The following PLCB1 variants were observed in gnomAD, a reference collection of about 807,000 sequenced individuals.
PLCB1 encodes the protein 1-phosphatidylinositol 4,5-bisphosphate phosphodiesterase beta-1.
A neutral mutation model predicts 161.8 loss-of-function variants in PLCB1; 46 were observed. The ratio of observed to expected loss-of-function variants is 0.28; its 90% CI spans 0.22 to 0.36. PLCB1 has a LOEUF of 0.36. Among genes scored for constraint, PLCB1 ranks in the 10% least tolerant of loss-of-function variants. The pLI is 1.00. For missense variants in PLCB1, 1,016 were observed against 1,472.5 expected, an observed-to-expected ratio of 0.69 and a Z score of 5.07; for synonymous variants, 517 against 503.7, an observed-to-expected ratio of 1.03 and a Z score of -0.35.
At chr20:8,778,358 C>A (rs6056101) in intron 27 of PLCB1, among the ~76,000 whole-genome samples, 5 of 152,060 alleles carry the variant, frequency 3.3e-5, no homozygotes, top group Admixed American at 1.3e-4. Flanking sequence ...AACAATGCCT[C>A]AGCATGAGGC....
chr20:8,532,966 A>C (rs1179656852), intron 3 of PLCB1, among the ~76,000 whole-genome samples: 2 of 151,140 alleles, frequency 1.3e-5, no homozygotes, highest in East Asian at 3.9e-4. Flanking sequence ...GCACCCATTA[A>C]CTCATCATTT....
intron 26 of PLCB1, among the ~76,000 whole-genome samples, chr20:8,772,791 G>T (rs959630644): frequency 6.6e-6 from 1 of 152,056 alleles, no homozygotes; most frequent in African/African-American, 2.4e-5. Flanking sequence ...AAATTAGCCG[G>T]GCATGGTGGT....
At chr20:8,774,121 G>A (rs4816083) in intron 26 of PLCB1, among the ~76,000 whole-genome samples, 140,806 of 152,274 alleles carry the variant, frequency 0.92, 65,589 homozygotes, top group East Asian at 1. Context: ...AACAAAGTCT[G>A]CTCAATGCAG....
chr20:8,769,944 T>C (rs928787221), intron 26 of PLCB1, among the ~76,000 whole-genome samples: 4 of 152,008 alleles, frequency 2.6e-5, no homozygotes, highest in East Asian at 1.9e-4. Flanking sequence ...AATAAAATCA[T>C]CTCTTTTTTT....
At chr20:8,247,004 G>C (rs1476605247) in intron 2 of PLCB1, among the ~76,000 whole-genome samples, 4 of 151,928 alleles carry the variant, frequency 2.6e-5, no homozygotes, top group Non-Finnish European at 4.4e-5. Context: ...TGTTTGGCTA[G>C]ATAATCAAGG....
At chr20:8,582,009 A>G (rs1986848631) in intron 3 of PLCB1, among the ~76,000 whole-genome samples, 1 of 152,196 alleles carries the variant, frequency 6.6e-6, no homozygotes, top group African/African-American at 2.4e-5. Flanking sequence ...GCAGTTGGCC[A>G]TGGTGGGAGA....
At chr20:8,831,789 C>T (rs965373772) in intron 31 of PLCB1, among the ~76,000 whole-genome samples, 1 of 152,086 alleles carries the variant, frequency 6.6e-6, no homozygotes, top group Non-Finnish European at 1.5e-5. Flanking sequence ...ACCACCATGC[C>T]CAGCTAGTTA....
rs1445394437 is a variant in PLCB1 at position 8,737,233 on chromosome 20, T to C, written c.2208+41T>C. On this transcript the variant is annotated intron_variant, in intron 20 of 31. Coordinates refer to ENST00000338037, the MANE Select transcript of PLCB1 (RefSeq NM_015192.4). Reference sequence around the variant, plus strand: ...TTGATATGAGTTATAACTGCATTTTTCAGGTGTTTTACACTGAGAAAATAA... The same window carrying C: ...TTGATATGAGTTATAACTGCATTTTCCAGGTGTTTTACACTGAGAAAATAA... 4.7e-6 allele frequency: 7 copies of C among 1,499,098 alleles called. No homozygotes were observed. In the East Asian group the frequency reaches 1.1e-4, roughly 24 times the overall value. The allele number at this position is 1,499,098 out of a possible 1,614,324, so 92.9% of individuals were successfully genotyped here.
chr20:8,324,675 T>G (rs1220939799), intron 2 of PLCB1, among the ~76,000 whole-genome samples: 3 of 152,224 alleles, frequency 2.0e-5, no homozygotes, highest in Admixed American at 2.0e-4. Context: ...AGACCATTAA[T>G]GTTCTCTCAT....
chr20:8,267,662 G>A (rs1358558617), intron 2 of PLCB1, among the ~76,000 whole-genome samples: 2 of 152,106 alleles, frequency 1.3e-5, no homozygotes, highest in African/African-American at 4.8e-5. Context: ...AGCAAAAAAA[G>A]CATAGATTTA....
At chr20:8,513,891 G>T (rs946389165) in intron 3 of PLCB1, among the ~76,000 whole-genome samples, 2 of 152,002 alleles carry the variant, frequency 1.3e-5, no homozygotes, top group Non-Finnish European at 2.9e-5. Flanking sequence ...AGCTGGGCAT[G>T]GTGGTGTGTG....
At chr20:8,191,422 T>C (rs1363013516) in intron 2 of PLCB1, among the ~76,000 whole-genome samples, 1 of 151,550 alleles carries the variant, frequency 6.6e-6, no homozygotes, top group African/African-American at 2.4e-5. Flanking sequence ...ATCCACTTAA[T>C]TTTTTTTTCC....
intron 23 of PLCB1, among the ~76,000 whole-genome samples, chr20:8,747,042 G>C (rs1428702595): frequency 6.6e-6 from 1 of 152,116 alleles, no homozygotes; most frequent in Non-Finnish European, 1.5e-5. Flanking sequence ...GTAATTTTCT[G>C]GTAACCTTTA....
intron 3 of PLCB1, among the ~76,000 whole-genome samples, chr20:8,434,407 T>C (rs998213244): frequency 2.0e-5 from 3 of 152,158 alleles, no homozygotes; most frequent in Admixed American, 6.5e-5. Context: ...ATGAAAGATA[T>C]GTAAGCATGT....
intron 2 of PLCB1, among the ~76,000 whole-genome samples, chr20:8,336,864 C>T (rs1985599690): frequency 6.6e-6 from 1 of 151,832 alleles, no homozygotes; most frequent in South Asian, 2.1e-4. Context: ...CTCTTTTCTC[C>T]AGTATAGCCT....
At chr20:8,252,184 C>T (rs547063434) in intron 2 of PLCB1, among the ~76,000 whole-genome samples, 99 of 151,984 alleles carry the variant, frequency 6.5e-4, no homozygotes, top group African/African-American at 2.2e-3. Flanking sequence ...CGAGATCCAG[C>T]CATCCAAACA....
intron 26 of PLCB1, among the ~76,000 whole-genome samples, chr20:8,771,240 T>C (rs201356624): frequency 2.4e-4 from 37 of 151,614 alleles, no homozygotes; most frequent in African/African-American, 8.4e-4. Context: ...TTTAATTACA[T>C]GTTGAAATGA....
intron 4 of PLCB1, among the ~76,000 whole-genome samples, chr20:8,645,461 C>T (rs986866467): frequency 2.0e-5 from 3 of 152,136 alleles, no homozygotes; most frequent in Non-Finnish European, 2.9e-5. Flanking sequence ...CAAATAATCA[C>T]GCAGAATGGA....
chr20:8,613,878 T>A (rs924576878), intron 3 of PLCB1, among the ~76,000 whole-genome samples: 2 of 151,874 alleles, frequency 1.3e-5, no homozygotes, highest in African/African-American at 2.4e-5. Context: ...TATAAAAAAA[T>A]TAAATTTCTA....
Sources: allele counts gnomAD v4.1 joint callset (sites outside exome capture counted in the v4.1 genomes callset), GRCh38; gene constraint gnomAD v4.1.1; transcripts MANE v1.5; gene names NCBI Gene and HGNC (gene_info 2026-07-23, HGNC 2026-07-21).